FGD4: variants seen among roughly 807,000 people sequenced by gnomAD.
FGD4 encodes the protein FYVE, RhoGEF and PH domain-containing protein 4.
A neutral mutation model predicts 102.0 loss-of-function variants in FGD4; 42 were observed. That is an observed-to-expected ratio of 0.41 (90% confidence interval 0.32 to 0.53). The LOEUF (loss-of-function observed/expected upper bound fraction) is 0.53. Ranked by LOEUF, FGD4 falls within the 20% of genes least tolerant of loss-of-function variation. The pLI, the probability that FGD4 is intolerant of heterozygous loss-of-function variation, is 0.21. For synonymous variants in FGD4, 380 were observed against 375.7 expected (o/e 1.01, Z -0.13); for missense variants, 902 against 1,078.2 (o/e 0.84, Z 2.29).
At chr12:32,402,248 C>T (rs1221060344) in intron 1 of FGD4, among the ~76,000 whole-genome samples, 2 of 151,124 alleles carry the variant, frequency 1.3e-5, no homozygotes, top group Admixed American at 6.6e-5. Context: ...TGAGACCGGC[C>T]TGGGAACATT....
intron 2 of FGD4, among the ~76,000 whole-genome samples, chr12:32,574,305 A>G (rs1256471656): frequency 6.6e-6 from 1 of 151,344 alleles, no homozygotes; most frequent in Non-Finnish European, 1.5e-5. Context: ...CTAGCTAAGA[A>G]TGTTGAATTA....
intron 1 of FGD4, among the ~76,000 whole-genome samples, chr12:32,447,985 G>A: frequency 6.6e-6 from 1 of 152,204 alleles, no homozygotes; most frequent in African/African-American, 2.4e-5. Context: ...CTGTGTTGGG[G>A]AAGGAACAAA....
intron 1 of FGD4, among the ~76,000 whole-genome samples, chr12:32,412,744 C>G (rs1225588427): frequency 6.6e-6 from 1 of 151,934 alleles, no homozygotes; most frequent in African/African-American, 2.4e-5. Context: ...CCACACCCAT[C>G]TAATTTTTTG....
intron 1 of FGD4, among the ~76,000 whole-genome samples, chr12:32,448,611 C>G (rs1446334665): frequency 6.6e-6 from 1 of 150,464 alleles, no homozygotes; most frequent in African/African-American, 2.4e-5. Flanking sequence ...GAGCTGAGAT[C>G]GCGCCACGGC....
At chr12:32,428,843 C>T (rs781305473) in intron 1 of FGD4, among the ~76,000 whole-genome samples, 21 of 152,164 alleles carry the variant, frequency 1.4e-4, no homozygotes, top group Non-Finnish European at 2.4e-4. Flanking sequence ...TTATGCTTCA[C>T]AAAGTTCTCA....
Position 32,641,614 on chromosome 12 carries a change from G to C in FGD4, c.*1081G>C, listed in dbSNP as rs1951159476. Reference sequence around the variant, plus strand: ...ATTTTCACCAAAACCCAAACTTTATGAGACACCTGACCTTTTACAGAACTA... The same window carrying C: ...ATTTTCACCAAAACCCAAACTTTATCAGACACCTGACCTTTTACAGAACTA... On this transcript the variant is annotated 3_prime_UTR_variant, in exon 17 of 17. Coordinates refer to ENST00000534526, the MANE Select transcript of FGD4 (RefSeq NM_001370298.3). 6.6e-6 allele frequency: 1 copy of C among 152,168 alleles called. No individual in the cohort carries two copies. Among genetic ancestry groups the C allele is most frequent in the African/African-American group, 2.4e-5 (1 of 41,444 alleles). 9.4% of individuals were successfully genotyped at this position (152,168 alleles called of 1,614,324 possible).
rs1281692170 is a variant in FGD4 at position 32,399,701 on chromosome 12, C to T, written c.-93C>T. 1 of 1,473,622 alleles carries T rather than the reference C, an allele frequency of 6.8e-7. No individual in the cohort carries two copies. The highest frequency in any genetic ancestry group is 8.9e-7 in the Non-Finnish European group (1 of 1,122,562). 91.3% of individuals were successfully genotyped at this position (1,473,622 alleles called of 1,614,324 possible). A position where few individuals can be genotyped will look rare whatever the true frequency, so the allele number is the denominator to read the frequency against. ...AGTAGAGGGCGCCCCCGGAGTCGCG[C>T]CGAACCTGGGCATGCAGGCGACGCC... On this transcript the variant is annotated 5_prime_UTR_variant, in exon 1 of 17. Coordinates refer to ENST00000534526, the MANE Select transcript of FGD4 (RefSeq NM_001370298.3).
At chr12:32,598,017 C>T (rs935860181) in intron 4 of FGD4, among the ~76,000 whole-genome samples, 1 of 152,150 alleles carries the variant, frequency 6.6e-6, no homozygotes, top group African/African-American at 2.4e-5. Flanking sequence ...TGCGTCACCA[C>T]GCCTGTGCTC....
intron 1 of FGD4, among the ~76,000 whole-genome samples, chr12:32,412,871 C>T (rs1222722038): frequency 2.7e-5 from 4 of 147,256 alleles, no homozygotes; most frequent in Non-Finnish European, 4.4e-5. Flanking sequence ...TGAGCCACCG[C>T]GCCTGTCCAG....
intron 15 of FGD4, 55 bp downstream of exon 15, chr12:32,633,744 C>G: frequency 6.8e-7 from 1 of 1,480,864 alleles, no homozygotes; most frequent in East Asian, 2.4e-5. Context: ...CCAACGGACT[C>G]TCGCTCTGTC....
chr12:32,639,471 T>G (rs935592318), intron 16 of FGD4, among the ~76,000 whole-genome samples: 3 of 152,160 alleles, frequency 2.0e-5, no homozygotes, highest in Non-Finnish European at 1.5e-5. Context: ...GCCAATTTTG[T>G]TTTTTATTTT....
In FGD4 at chr12:32,641,466, T is replaced by G. The variant is rs1951153678; in HGVS notation, c.*933T>G. On this transcript the variant is annotated 3_prime_UTR_variant, in exon 17 of 17. Coordinates refer to ENST00000534526, the MANE Select transcript of FGD4 (RefSeq NM_001370298.3). The stretch of plus-strand genomic sequence containing the variant: ...ATAAGATGAGGGTTCAGTTAATGCT[T>G]CAGTCTTGATTATTCTAAGATTAAA... 1 of 152,178 alleles carries G rather than the reference T, an allele frequency of 6.6e-6. No homozygotes were observed. The highest frequency in any genetic ancestry group is 2.4e-5 in the African/African-American group (1 of 41,456). The allele number at this position is 152,178 out of a possible 1,614,324, so 9.4% of individuals were successfully genotyped here. A position where few individuals can be genotyped will look rare whatever the true frequency, so the allele number is the denominator to read the frequency against.
intron 1 of FGD4, among the ~76,000 whole-genome samples, chr12:32,551,476 T>C (rs1454472828): frequency 6.6e-6 from 1 of 152,142 alleles, no homozygotes; most frequent in East Asian, 1.9e-4. Context: ...ATGACAAAAT[T>C]GAAGTACAGG....
chr12:32,477,637 T>C (rs7977859), intron 1 of FGD4, among the ~76,000 whole-genome samples: 56,697 of 152,108 alleles, frequency 0.37, 11,487 homozygotes, highest in South Asian at 0.51. Context: ...GTGAACGGTG[T>C]ATTTTTTTTA....
At chr12:32,431,441 C>T (rs1206162069) in intron 1 of FGD4, among the ~76,000 whole-genome samples, 2 of 152,140 alleles carry the variant, frequency 1.3e-5, no homozygotes, top group African/African-American at 4.8e-5. Context: ...TTTATTCTCA[C>T]TCCTTGTTTT....
At chr12:32,638,064 A>G (rs1392738442) in intron 15 of FGD4, among the ~76,000 whole-genome samples, 1 of 152,202 alleles carries the variant, frequency 6.6e-6, no homozygotes, top group African/African-American at 2.4e-5. Context: ...CATTGTCGTT[A>G]AAAGTTCAGG....
At chr12:32,426,259 A>C (rs2136427194) in intron 1 of FGD4, among the ~76,000 whole-genome samples, 1 of 152,264 alleles carries the variant, frequency 6.6e-6, no homozygotes, top group African/African-American at 2.4e-5. Context: ...GTTTATTGAG[A>C]GTTTTTAGCA....
intron 5 of FGD4, among the ~76,000 whole-genome samples, chr12:32,599,499 A>AAAAAAAAAAAAAAAAAAG (rs1440115921): frequency 1.6e-5 from 2 of 123,586 alleles, no homozygotes; most frequent in Non-Finnish European, 3.3e-5. Flanking sequence ...CGTCTCAAAA[A>AAAAAAAAAAAAAAAAAAG]AAAAAAAAAG....
At chr12:32,527,088 T>A (rs896908989) in intron 1 of FGD4, among the ~76,000 whole-genome samples, 1 of 152,200 alleles carries the variant, frequency 6.6e-6, no homozygotes, top group Non-Finnish European at 1.5e-5. Flanking sequence ...TACCAAAATT[T>A]GAAATTCATA....
Sources: gnomAD v4.1 joint callset for allele counts (sites outside exome capture counted in the v4.1 genomes callset) on GRCh38, gnomAD v4.1.1 for gene constraint, MANE v1.5 for transcripts, NCBI Gene and HGNC (gene_info 2026-07-23, HGNC 2026-07-21) for gene names.